Variants in SGCE observed in about 807,000 individuals in gnomAD.
SGCE encodes the protein sarcoglycan epsilon.
A neutral mutation model predicts 57.8 loss-of-function variants in SGCE; 26 were observed. That is an observed-to-expected ratio of 0.45 (90% CI 0.33 to 0.62). The LOEUF (loss-of-function observed/expected upper bound fraction) is 0.62. Ranked by LOEUF, SGCE falls within the 20% of genes least tolerant of loss-of-function variation. The pLI is 0.02. For missense variants in SGCE, 468 were observed against 548.6 expected (o/e 0.85, Z 1.47); for synonymous variants, 183 against 189.5 (o/e 0.97, Z 0.28).
At chr7:94,609,076 T>G (rs537558563) in intron 5 of SGCE, among the ~76,000 whole-genome samples, 2 of 152,290 alleles carry the variant, frequency 1.3e-5, no homozygotes, top group East Asian at 3.9e-4. Flanking sequence ...TGGACTTAAT[T>G]AAAATTAAAA....
At chr7:94,632,368 C>A (rs1165639432) in intron 1 of SGCE, among the ~76,000 whole-genome samples, 2 of 151,992 alleles carry the variant, frequency 1.3e-5, no homozygotes, top group African/African-American at 4.8e-5. Context: ...AAAAACATTT[C>A]TGCGTTCTAC....
intron 5 of SGCE, among the ~76,000 whole-genome samples, chr7:94,604,683 A>G (rs149660792): frequency 1.3e-5 from 2 of 151,324 alleles, no homozygotes; most frequent in African/African-American, 4.9e-5. Context: ...GGATATCCAC[A>G]TATCCTGTCC....
intron 1 of SGCE, chr7:94,639,412 G>A: frequency 6.5e-7 from 1 of 1,535,102 alleles, no homozygotes. Flanking sequence ...CCAGTTAACT[G>A]TTCCATTTAT....
intron 2 of SGCE, chr7:94,628,891 G>C (rs910055693): frequency 3.2e-5 from 5 of 156,678 alleles, no homozygotes; most frequent in Admixed American, 3.2e-4. Flanking sequence ...AATAATAACA[G>C]CATCATTTAT....
chr7:94,588,081 C>G, intron 10 of SGCE: 1 of 1,313,580 alleles, frequency 7.6e-7, no homozygotes, highest in Non-Finnish European at 9.7e-7. Flanking sequence ...AAGTTATCTA[C>G]TCAGTATAGA....
At chr7:94,636,763 T>C (rs1399432147) in intron 1 of SGCE, among the ~76,000 whole-genome samples, 1 of 152,292 alleles carries the variant, frequency 6.6e-6, no homozygotes, top group African/African-American at 2.4e-5. Flanking sequence ...CCGCTTTAGC[T>C]AAGAATTGGA....
At position 94,618,840 on chromosome 7, in the gene SGCE, C is replaced by T; in HGVS notation, c.580G>A (p.Glu194Lys). The change falls in exon 5 of 11, where the codon GAG (glutamate) becomes AAG (lysine). Residue 194 changes from glutamate (E) to lysine (K), a missense_variant. By Grantham distance (56) the Glu-to-Lys change is moderately conservative. Transcript: ENST00000648936. The stretch of plus-strand genomic sequence containing the variant: ...GTGATGTTTATGGCGTTCAGGCGCT[C>T]TGGCTGCCACACATTTTTCACTGCG... ...LGAVKNVWQP[E>K]RLNAINITSA... The T allele has an allele frequency of 8.7e-6, 14 of 1,614,096 alleles. 1 individual carries two copies. The Middle Eastern group carries it at 2.0e-3, about 228-fold the overall frequency.
chr7:94,614,968 AT>A (rs1801657731), intron 5 of SGCE, among the ~76,000 whole-genome samples: 1 of 152,210 alleles, frequency 6.6e-6, no homozygotes. Flanking sequence ...CAGGTTTCCA[AT>A]TTTATTAAAG....
chr7:94,587,506 A>G, intron 10 of SGCE: 1 of 1,296,864 alleles, frequency 7.7e-7, no homozygotes, highest in Admixed American at 4.2e-5. Context: ...GTATTCTTTT[A>G]GAAATTTTCC....
chr7:94,618,799 C>T lies in SGCE; in HGVS notation c.621G>A (p.Arg207=), dbSNP rs1316607946. The change falls in exon 5 of 11, where the codon AGG becomes AGA. Residue 207 remains arginine, a synonymous_variant. Transcript: ENST00000648936. ...NAINITSALD[R]GGRVPLPIND... ...TAATGGGAAGTGGCACCCTGCCACC[C>T]CTGTCTAGGGCCGATGTGATGTTTA... is the stretch of plus-strand genomic sequence containing the variant. The T allele has an allele frequency of 6.2e-7, 1 of 1,614,022 alleles. No homozygotes were observed. The highest frequency in any genetic ancestry group is 1.7e-5 in the Admixed American group (1 of 60,012).
At chr7:94,631,550 C>T (rs975856825) in intron 1 of SGCE, among the ~76,000 whole-genome samples, 3 of 151,846 alleles carry the variant, frequency 2.0e-5, no homozygotes, top group African/African-American at 7.2e-5. Context: ...CAATATGGCT[C>T]TTAAAATACT....
Position 94,644,571 on chromosome 7 carries a change from T to C in SGCE, c.109+11419A>G, listed in dbSNP as rs974293786. 5 of 1,032,778 alleles carry C rather than the reference T, an allele frequency of 4.8e-6. No homozygotes were observed. In the African/African-American group the frequency reaches 6.6e-5, roughly 14 times the overall value. The allele number at this position is 1,032,778 out of a possible 1,614,324, so 64.0% of individuals were successfully genotyped here. On this transcript the variant is annotated intron_variant, in intron 1 of 10. Coordinates refer to ENST00000648936, the MANE Select transcript of SGCE (RefSeq NM_003919.3). ...CACTGTCCAAGTAAACAGCCGGATA[T>C]GCCAAATGAAATTTAATCTGATTAT...
intron 5 of SGCE, among the ~76,000 whole-genome samples, chr7:94,605,450 T>C (rs1391380716): frequency 6.6e-6 from 1 of 150,738 alleles, no homozygotes; most frequent in Non-Finnish European, 1.5e-5. Flanking sequence ...TCACCATATA[T>C]CCATAAATGT....
intron 9 of SGCE, chr7:94,590,005 TAAC>T (rs1220198609): frequency 6.6e-6 from 1 of 152,194 alleles, no homozygotes; most frequent in Admixed American, 6.5e-5. Flanking sequence ...GTCATTTAAA[TAAC>T]ACACATTTCA....
chr7:94,644,189 A>C (rs1328579015), intron 1 of SGCE, among the ~76,000 whole-genome samples: 1 of 152,248 alleles, frequency 6.6e-6, no homozygotes, highest in African/African-American at 2.4e-5. Flanking sequence ...ATCACTGTAC[A>C]TAATTTAATC....
rs773984458 is a variant in SGCE, at chr7:94,656,119, C to G, written c.-21G>C. The G allele has an allele frequency of 2.1e-6, 3 of 1,439,866 alleles. No individual in the cohort carries two copies. Among genetic ancestry groups the G allele is most frequent in the South Asian group, 2.3e-5 (2 of 87,300 alleles). 89.2% of individuals were successfully genotyped at this position (1,439,866 alleles called of 1,614,324 possible). A position where few individuals can be genotyped will look rare whatever the true frequency, so the allele number is the denominator to read the frequency against. The stretch of plus-strand genomic sequence containing the variant: ...TGCATTCTTGGCCTGGCTAGGCCGT[C>G]CGTCCTCGATTCTCCCCTCCCCTCC... On this transcript the variant is annotated 5_prime_UTR_variant, in exon 1 of 11. Coordinates refer to ENST00000648936, the MANE Select transcript of SGCE (RefSeq NM_003919.3).
intron 5 of SGCE, among the ~76,000 whole-genome samples, chr7:94,606,406 G>A (rs1800149893): frequency 6.6e-6 from 1 of 152,120 alleles, no homozygotes; most frequent in Admixed American, 6.6e-5. Flanking sequence ...ATGATAAAGA[G>A]GTCAATTCTT....
At chr7:94,607,961 G>T (rs984425862) in intron 5 of SGCE, among the ~76,000 whole-genome samples, 2 of 152,138 alleles carry the variant, frequency 1.3e-5, no homozygotes, top group Non-Finnish European at 2.9e-5. Flanking sequence ...CAAAATACAT[G>T]AGGCAAGAGC....
Position 94,644,742 on chromosome 7 carries a change from C to T in SGCE, c.109+11248G>A, listed in dbSNP as rs998813270. On this transcript the variant is annotated intron_variant, in intron 1 of 10. Coordinates refer to ENST00000648936, the MANE Select transcript of SGCE (RefSeq NM_003919.3). ...ACGTGTCCGGCATCCCTTCCCTTCT[C>T]TTACCATCCCCATCCAAGTTGTTAC... is the stretch of plus-strand genomic sequence containing the variant. 1.4e-5 allele frequency: 8 copies of T among 588,614 alleles called. No individual in the cohort carries two copies. In the East Asian group the frequency reaches 6.2e-4, roughly 46 times the overall value. The allele number at this position is 588,614 out of a possible 1,614,324, so 36.5% of individuals were successfully genotyped here.
Sources: gnomAD v4.1 joint callset for allele counts (sites outside exome capture counted in the v4.1 genomes callset) on GRCh38, gnomAD v4.1.1 for gene constraint, MANE v1.5 for transcripts, NCBI Gene and HGNC (gene_info 2026-07-23, HGNC 2026-07-21) for gene names.